Variants in FYN observed in about 807,000 individuals in gnomAD.
FYN encodes tyrosine-protein kinase Fyn.
A neutral mutation model predicts 70.2 loss-of-function variants in FYN; 10 were observed. The ratio of observed to expected loss-of-function variants is 0.14; its 90% CI spans 0.09 to 0.24. FYN has a LOEUF of 0.24. FYN is among the 10% of genes least tolerant of loss of function. The pLI, the probability that FYN is intolerant of heterozygous loss-of-function variation, is 1.00. For missense variants in FYN, 319 were observed against 673.1 expected (o/e 0.47, Z 5.82); for synonymous variants, 236 against 248.6 (o/e 0.95, Z 0.48).
At chr6:111,688,129 C>T (rs1799107164) in intron 12 of FYN, among the ~76,000 whole-genome samples, 1 of 152,194 alleles carries the variant, frequency 6.6e-6, no homozygotes, top group Non-Finnish European at 1.5e-5. Flanking sequence ...ACAACTTCTA[C>T]TAATTGTCTT....
At chr6:111,830,247 CAG>C (rs2114407871) in intron 2 of FYN, among the ~76,000 whole-genome samples, 1 of 152,204 alleles carries the variant, frequency 6.6e-6, no homozygotes, top group Non-Finnish European at 1.5e-5. Flanking sequence ...CTTACAGGGG[CAG>C]AGTGTCAGCA....
At chr6:111,730,276 C>G (rs1206737324) in intron 3 of FYN, among the ~76,000 whole-genome samples, 1 of 152,168 alleles carries the variant, frequency 6.6e-6, no homozygotes, top group African/African-American at 2.4e-5. Context: ...TGCAGAGGAT[C>G]CTGTAGGGGA....
chr6:111,812,604 CTT>C (rs369326017), intron 2 of FYN, among the ~76,000 whole-genome samples: 22 of 101,304 alleles, frequency 2.2e-4, no homozygotes, highest in South Asian at 1.1e-3. Flanking sequence ...AGAAATTTTC[CTT>C]TTTTTTTTTT....
intron 9 of FYN, chr6:111,696,876 T>C (rs542477608): frequency 6.5e-6 from 1 of 153,042 alleles, no homozygotes; most frequent in East Asian, 1.9e-4. Context: ...TTTAAGTTTA[T>C]GGGGTGTGCC....
chr6:111,688,699 G>A (rs1217796767), intron 12 of FYN, among the ~76,000 whole-genome samples: 1 of 152,198 alleles, frequency 6.6e-6, no homozygotes, highest in African/African-American at 2.4e-5. Flanking sequence ...ATGCCTCAGT[G>A]AAAATGCTGA....
intron 1 of FYN, chr6:111,858,314 C>T (rs1001892620): frequency 6.6e-6 from 1 of 152,170 alleles, no homozygotes; most frequent in Non-Finnish European, 1.5e-5. Context: ...TCTCAATAAC[C>T]CCGTAAGCAG....
intron 6 of FYN, among the ~76,000 whole-genome samples, chr6:111,706,429 C>T (rs1422384534): frequency 3.3e-5 from 5 of 152,272 alleles, no homozygotes; most frequent in South Asian, 2.1e-4. Context: ...AGAGACATTG[C>T]GTATTAGCTC....
intron 3 of FYN, among the ~76,000 whole-genome samples, chr6:111,764,233 G>GAA (rs1441217283): frequency 2.4e-3 from 171 of 71,730 alleles, no homozygotes; most frequent in African/African-American, 8.6e-3. Context: ...AAAAAAAAAA[G>GAA]AAAAGAAAAA....
intron 12 of FYN, among the ~76,000 whole-genome samples, chr6:111,678,315 T>C (rs1037437286): frequency 1.3e-5 from 2 of 152,196 alleles, no homozygotes; most frequent in African/African-American, 4.8e-5. Flanking sequence ...AACTTCCATG[T>C]AAGAGGATCT....
intron 1 of FYN, among the ~76,000 whole-genome samples, chr6:111,855,495 T>C (rs950548442): frequency 1.3e-5 from 2 of 152,150 alleles, no homozygotes; most frequent in Admixed American, 6.5e-5. Flanking sequence ...ACTGTAGAGG[T>C]AGAAATTAAC....
chr6:111,870,008 GT>G (rs1368625877), intron 1 of FYN, among the ~76,000 whole-genome samples: 1 of 152,200 alleles, frequency 6.6e-6, no homozygotes, highest in Non-Finnish European at 1.5e-5. Flanking sequence ...TAGCCTATAA[GT>G]TTCTTGAGGG....
At chr6:111,672,383 C>T (rs1469926778) in intron 13 of FYN, among the ~76,000 whole-genome samples, 1 of 152,238 alleles carries the variant, frequency 6.6e-6, no homozygotes, top group Non-Finnish European at 1.5e-5. Context: ...TCTGCAGGAG[C>T]CGCTGGAGTT....
intron 12 of FYN, among the ~76,000 whole-genome samples, chr6:111,679,816 T>G (rs1432224736): frequency 6.6e-6 from 1 of 152,046 alleles, no homozygotes; most frequent in Non-Finnish European, 1.5e-5. Flanking sequence ...TCGGAGTGAA[T>G]GTATCTGAGT....
intron 2 of FYN, among the ~76,000 whole-genome samples, chr6:111,806,776 C>T (rs1772163422): frequency 6.6e-6 from 1 of 152,200 alleles, no homozygotes; most frequent in African/African-American, 2.4e-5. Context: ...TGCACCTTCC[C>T]ATTATCTTCA....
At chr6:111,689,147 G>A (rs1287840891) in intron 12 of FYN, among the ~76,000 whole-genome samples, 1 of 152,174 alleles carries the variant, frequency 6.6e-6, no homozygotes, top group Non-Finnish European at 1.5e-5. Context: ...CTAATGATGT[G>A]AGGTGATCAT....
At chr6:111,787,665 G>A (rs1047270202) in intron 2 of FYN, among the ~76,000 whole-genome samples, 9 of 152,190 alleles carry the variant, frequency 5.9e-5, no homozygotes, top group Admixed American at 3.3e-4. Context: ...ATAAATTAAT[G>A]GGTCTCACGC....
chr6:111,694,561 C>T lies in FYN; in HGVS notation c.1120-33G>A, dbSNP rs935701361. ...AACCCAGGGAACAGGACATGTTACA[C>T]CACGACCCAATGTACTTAGACACGT... On this transcript the variant is annotated intron_variant, in intron 11 of 13. Transcript: ENST00000354650. This position sits in a 1 kb window ranked among gnomAD's most constrained non-coding sequence, Gnocchi z 5.0. 2.5e-6 allele frequency: 4 copies of T among 1,613,702 alleles called. No homozygotes were observed. Among genetic ancestry groups the T allele is most frequent in the Non-Finnish European group, 3.4e-6 (4 of 1,179,738 alleles).
intron 3 of FYN, among the ~76,000 whole-genome samples, chr6:111,732,461 G>A (rs541289375): frequency 2.0e-5 from 3 of 152,316 alleles, no homozygotes; most frequent in African/African-American, 7.2e-5. Context: ...CCAAATCCAC[G>A]TCACTGAAAG....
At chr6:111,789,556 G>A (rs1771532415) in intron 2 of FYN, among the ~76,000 whole-genome samples, 1 of 152,152 alleles carries the variant, frequency 6.6e-6, no homozygotes. Flanking sequence ...ATAATCAGTT[G>A]ACTATCTGGA....
Sources: allele counts gnomAD v4.1 joint callset (sites outside exome capture counted in the v4.1 genomes callset), GRCh38; gene constraint gnomAD v4.1.1; non-coding constraint Gnocchi (gnomAD v3.1); transcripts MANE v1.5; gene names NCBI Gene and HGNC (gene_info 2026-07-23, HGNC 2026-07-21).